Variants in SEMA6A observed in about 807,000 individuals in gnomAD.
The protein encoded by SEMA6A is semaphorin-6A.
Under a neutral mutation model 96.8 loss-of-function variants are expected in SEMA6A, and 25 were observed. That is an observed-to-expected ratio of 0.26 (90% CI 0.19 to 0.36). The LOEUF is 0.36. Among genes scored for constraint, SEMA6A ranks in the 10% least tolerant of loss-of-function variants. SEMA6A has a pLI of 1.00. For synonymous variants in SEMA6A, 612 were observed against 518.0 expected (o/e 1.18, Z -2.46); for missense variants, 1,363 against 1,323.1 (o/e 1.03, Z -0.47).
chr5:116,453,690 T>C (rs1420780138), intron 18 of SEMA6A, among the ~76,000 whole-genome samples: 1 of 152,228 alleles, frequency 6.6e-6, no homozygotes, highest in Non-Finnish European at 1.5e-5. Context: ...CTTGCTCTGT[T>C]CCACATTGAA....
chr5:116,474,141 G>A (rs368593471), intron 16 of SEMA6A, among the ~76,000 whole-genome samples: 3 of 151,950 alleles, frequency 2.0e-5, no homozygotes, highest in Non-Finnish European at 4.4e-5. Flanking sequence ...ATCTTTACAT[G>A]TTTCACGTAT....
chr5:116,494,515 G>A (rs752640534), intron 6 of SEMA6A, among the ~76,000 whole-genome samples: 1 of 152,138 alleles, frequency 6.6e-6, no homozygotes, highest in African/African-American at 2.4e-5. Context: ...TTGAAGACAC[G>A]GGGTCATCCT....
chr5:116,564,708 TA>T (rs75431360), intron 1 of SEMA6A, among the ~76,000 whole-genome samples: 9 of 151,196 alleles, frequency 6.0e-5, no homozygotes, highest in South Asian at 2.1e-4. Flanking sequence ...GTCACAAACC[TA>T]AAAAAAAATA....
chr5:116,503,751 A>C (rs1289015703), intron 2 of SEMA6A, among the ~76,000 whole-genome samples: 5 of 151,986 alleles, frequency 3.3e-5, no homozygotes, highest in Non-Finnish European at 5.9e-5. Context: ...CTCTGACCTC[A>C]TGATCCGCCC....
In SEMA6A at chr5:116,480,127, C is replaced by T. The variant is rs776788228; in HGVS notation, c.1245G>A (p.Met415Ile). Residue 415 changes from methionine to isoleucine, a missense_variant, in exon 12 of 19, where the codon ATG (methionine) becomes ATA (isoleucine). By Grantham distance (10) the Met-to-Ile change is conservative. This residue lies in a region of SEMA6A where 480 missense variants were observed against 559.5 expected (regional missense o/e 0.86). Transcript: ENST00000343348. ...ACGGTTTGTTTGACACCCACCTGAC[C>T]ATTGTTCTCAGGAACCATGGCCTGT... ...IFNRPWFLRTMVRYRLTKIAV... is the reference protein window; with the variant it reads ...IFNRPWFLRTIVRYRLTKIAV... 3.1e-6 allele frequency: 5 copies of T among 1,613,550 alleles called. No individual in the cohort carries two copies. In the African/African-American group the frequency reaches 4.0e-5, roughly 13 times the overall value.
At chr5:116,477,623 G>A (rs931734447) in intron 15 of SEMA6A, among the ~76,000 whole-genome samples, 1 of 152,162 alleles carries the variant, frequency 6.6e-6, no homozygotes, top group African/African-American at 2.4e-5. Context: ...TCCATTCTGT[G>A]TTTTTAATCA....
chr5:116,468,019 C>T, intron 17 of SEMA6A: 1 of 420,228 alleles, frequency 2.4e-6, no homozygotes. Flanking sequence ...ATCACTTAAC[C>T]TCTTCCTGTG....
intron 1 of SEMA6A, among the ~76,000 whole-genome samples, chr5:116,567,845 C>A (rs1280971478): frequency 2.6e-5 from 4 of 152,216 alleles, no homozygotes; most frequent in East Asian, 1.9e-4. Flanking sequence ...TTAATCGTTA[C>A]ACTGATTTGA....
At chr5:116,485,016 G>T (rs1391252882) in intron 10 of SEMA6A, among the ~76,000 whole-genome samples, 1 of 152,160 alleles carries the variant, frequency 6.6e-6, no homozygotes, top group Non-Finnish European at 1.5e-5. Context: ...GACCAAGTTT[G>T]CATGTGTAAA....
intron 1 of SEMA6A, among the ~76,000 whole-genome samples, chr5:116,567,838 A>G (rs2112918304): frequency 6.6e-6 from 1 of 152,358 alleles, no homozygotes; most frequent in South Asian, 2.1e-4. Context: ...TGACATATTA[A>G]TCGTTACACT....
chr5:116,535,497 TTGAA>T (rs1195898955), intron 1 of SEMA6A, among the ~76,000 whole-genome samples: 3 of 152,126 alleles, frequency 2.0e-5, no homozygotes, highest in Admixed American at 6.5e-5. Context: ...TCTTTGGAGT[TTGAA>T]TGATTAGAAA....
At chr5:116,571,237 T>G (rs914803213) in intron 1 of SEMA6A, among the ~76,000 whole-genome samples, 9 of 152,196 alleles carry the variant, frequency 5.9e-5, no homozygotes, top group African/African-American at 1.9e-4. Flanking sequence ...CTTATAAAAT[T>G]TTTACCTATT....
In SEMA6A at chr5:116,467,636, T is replaced by C. The variant is rs370647817; in HGVS notation, c.1841A>G (p.Asp614Gly). 1 of 1,613,566 alleles carries C rather than the reference T, an allele frequency of 6.2e-7. No homozygotes were observed. The highest frequency in any genetic ancestry group is 1.3e-5 in the African/African-American group (1 of 74,846). The change falls in exon 18 of 19, where the codon GAC becomes GGC. Residue 614 changes from aspartate (D) to glycine (G), a missense_variant. This residue lies in a region of SEMA6A where 883 missense variants were observed against 763.6 expected (regional missense o/e 1.16). Transcript: ENST00000343348. ...LDWKHLLDSP[D>G]STDPLGAVSS... ...CACTGCCCCCAAAGGGTCTGTGCTG[T>C]CAGGTGAGTCAAGCAGATGCTTCCA...
intron 4 of SEMA6A, among the ~76,000 whole-genome samples, chr5:116,496,692 T>C (rs1190810929): frequency 6.6e-6 from 1 of 152,222 alleles, no homozygotes; most frequent in Non-Finnish European, 1.5e-5. Flanking sequence ...TCAATTTTTA[T>C]AAAGAAGGCT....
chr5:116,552,447 T>C (rs1760453171), intron 1 of SEMA6A, among the ~76,000 whole-genome samples: 1 of 152,138 alleles, frequency 6.6e-6, no homozygotes, highest in Admixed American at 6.5e-5. Context: ...ATAAAAAAGC[T>C]CTGCAAAACT....
chr5:116,480,209 G>A lies in SEMA6A; in HGVS notation c.1163C>T (p.Thr388Ile). ...YATSNEFPDD[T>I]LNFIKTHPLM... ...CGGGTGCGTCTTGATGAAGTTCAGG[G>A]TATCATCAGGGAACTCATTGGAGGT... is the stretch of plus-strand genomic sequence containing the variant. The change falls in exon 12 of 19, where the codon ACC becomes ATC. Residue 388 changes from threonine to isoleucine, a missense_variant. Coordinates refer to ENST00000343348, the MANE Select transcript of SEMA6A (RefSeq NM_020796.5). The A allele has an allele frequency of 6.2e-7, 1 of 1,613,784 alleles. No homozygotes were observed. The highest frequency in any genetic ancestry group is 8.5e-7 in the Non-Finnish European group (1 of 1,179,734).
At chr5:116,502,831 T>A (rs780328465) in intron 2 of SEMA6A, among the ~76,000 whole-genome samples, 2 of 152,230 alleles carry the variant, frequency 1.3e-5, no homozygotes, top group Non-Finnish European at 2.9e-5. Flanking sequence ...AGGCGTCCAG[T>A]TGGAATAATC....
intron 1 of SEMA6A, among the ~76,000 whole-genome samples, chr5:116,512,928 A>C (rs1329074099): frequency 6.6e-6 from 1 of 152,216 alleles, no homozygotes; most frequent in Admixed American, 6.5e-5. Flanking sequence ...GCTTTTTGCC[A>C]TCACCATCTT....
chr5:116,538,859 G>C (rs1407445558), intron 1 of SEMA6A, among the ~76,000 whole-genome samples: 2 of 151,940 alleles, frequency 1.3e-5, no homozygotes, highest in African/African-American at 2.4e-5. Context: ...TCCACAACAG[G>C]GGCACCCTAT....
Sources: gnomAD v4.1 joint callset for allele counts (sites outside exome capture counted in the v4.1 genomes callset) on GRCh38, gnomAD v4.1.1 for gene constraint, gnomAD v4.1.1 regional missense constraint, MANE v1.5 for transcripts, NCBI Gene and HGNC (gene_info 2026-07-23, HGNC 2026-07-21) for gene names.